The following DUS4L variants were observed in gnomAD, a reference collection of about 807,000 sequenced individuals.
DUS4L encodes tRNA-dihydrouridine(20a/20b) synthase [NAD(P)+]-like.
In DUS4L, 31 loss-of-function variants were observed where a neutral mutation model predicts 33.8. The observed-to-expected ratio is 0.92, with a 90% confidence interval of 0.69 to 1.24. The LOEUF is 1.24. DUS4L is among the 50% of genes most tolerant of loss of function. DUS4L has a pLI of 0.00. For synonymous variants in DUS4L, 103 were observed against 120.3 expected, an observed-to-expected ratio of 0.86 and a Z score of 0.94; for missense variants, 368 against 388.6, an observed-to-expected ratio of 0.95 and a Z score of 0.45.
At chr7:107,569,890 TTTTG>T (rs1276803291) in intron 3 of DUS4L, among the ~76,000 whole-genome samples, 2 of 152,192 alleles carry the variant, frequency 1.3e-5, no homozygotes, top group Non-Finnish European at 2.9e-5. Context: ...ATCATATGCC[TTTTG>T]TTTCTTTATC....
rs1373606089 is a variant in DUS4L, at chr7:107,571,270, T to C, written c.238+4T>C. 1.9e-6 allele frequency: 3 copies of C among 1,606,992 alleles called. No individual in the cohort carries two copies. Among genetic ancestry groups the C allele is most frequent in the South Asian group, 2.2e-5 (2 of 89,238 alleles). On this transcript the variant is annotated splice_donor_region_variant and intron_variant, in intron 4 of 7. Coordinates refer to ENST00000265720, the MANE Select transcript of DUS4L (RefSeq NM_181581.3). ...AGCGAATTTACCACAAATCAAGGTA[T>C]GTGAAACCGAGTGTACTGACTTTGT...
intron 7 of DUS4L, 194 bp downstream of exon 7, chr7:107,576,786 A>G (rs1805796515): frequency 1.9e-6 from 1 of 532,800 alleles, no homozygotes; most frequent in Non-Finnish European, 3.1e-6. Flanking sequence ...CTTAACTGGG[A>G]TAAATTAATT....
At chr7:107,570,702 CAGTA>C (rs1170671750) in intron 3 of DUS4L, 1 of 160,680 alleles carries the variant, frequency 6.2e-6, no homozygotes, top group Non-Finnish European at 1.4e-5. Context: ...GCTTTTTCTA[CAGTA>C]TTTGGCTGGA....
intron 6 of DUS4L, among the ~76,000 whole-genome samples, chr7:107,576,054 C>G (rs894522629): frequency 6.6e-6 from 1 of 152,150 alleles, no homozygotes; most frequent in African/African-American, 2.4e-5. Context: ...GCATGCACAG[C>G]AAATATTAAG....
Position 107,578,196 on chromosome 7 carries a change from T to C in DUS4L, c.*636T>C, listed in dbSNP as rs1805940834. 6.6e-6 allele frequency: 1 copy of C among 152,240 alleles called. No homozygotes were observed. The highest frequency in any genetic ancestry group is 2.4e-5 in the African/African-American group (1 of 41,474). 9.4% of individuals were successfully genotyped at this position (152,240 alleles called of 1,614,324 possible). A position where few individuals can be genotyped will look rare whatever the true frequency, so the allele number is the denominator to read the frequency against. ...TACCATATCTTAAGTATAGGAAATT[T>C]GGTGTCCAACCTGGAGATGATTATA... On this transcript the variant is annotated 3_prime_UTR_variant, in exon 8 of 8. Coordinates refer to ENST00000265720, the MANE Select transcript of DUS4L (RefSeq NM_181581.3).
intron 2 of DUS4L, among the ~76,000 whole-genome samples, chr7:107,565,943 C>T (rs1429769044): frequency 6.6e-6 from 1 of 152,078 alleles, no homozygotes; most frequent in Non-Finnish European, 1.5e-5. Context: ...GACCTTGTTG[C>T]CATTGCGCTT....
rs1260623668 is a variant in DUS4L, at chr7:107,577,548, T to C, written c.942T>C (p.His314=). ...CAATCATAGATTACCTTACAGACCA[T>C]TATGGCATTTGACTAGACTTCCCAA... ...TSAIIDYLTD[H]YGI The change falls in exon 8 of 8, where the codon CAT becomes CAC. Residue 314 remains histidine, a synonymous_variant. Coordinates refer to ENST00000265720, the MANE Select transcript of DUS4L (RefSeq NM_181581.3). The C allele has an allele frequency of 1.9e-6, 3 of 1,612,886 alleles. No individual in the cohort carries two copies. The highest frequency in any genetic ancestry group is 1.7e-6 in the Non-Finnish European group (2 of 1,179,472).
At chr7:107,567,336 C>T in intron 3 of DUS4L, 150 bp downstream of exon 3, 1 of 646,864 alleles carries the variant, frequency 1.5e-6, no homozygotes, top group Non-Finnish European at 2.7e-6. Context: ...GATGCTACTA[C>T]TTGCCTAGTA....
rs918559827 is a variant in DUS4L, at chr7:107,567,202, T to G, written c.116+16T>G. On this transcript the variant is annotated intron_variant, in intron 3 of 7. Coordinates refer to ENST00000265720, the MANE Select transcript of DUS4L (RefSeq NM_181581.3). ...GATATTCAAAGTAAGTGTTGCAAAATGATTAATGAACTAAGATGAAATTTC... is the reference window on the plus strand; with the variant it reads ...GATATTCAAAGTAAGTGTTGCAAAAGGATTAATGAACTAAGATGAAATTTC... 38 of 1,604,306 alleles carry G rather than the reference T, an allele frequency of 2.4e-5. No individual in the cohort carries two copies. The highest frequency in any genetic ancestry group is 3.2e-5 in the Non-Finnish European group (37 of 1,172,826).
Position 107,567,063 on chromosome 7 carries a change from C to G in DUS4L, c.-8C>G, listed in dbSNP as rs1804777358. 2 of 1,602,168 alleles carry G rather than the reference C, an allele frequency of 1.2e-6. No homozygotes were observed. The highest frequency in any genetic ancestry group is 1.7e-6 in the Non-Finnish European group (2 of 1,171,906). The stretch of plus-strand genomic sequence containing the variant: ...TGTCTTTTTCAGATTTGAAACATAT[C>G]TGTATTAATGAAGAGTGACTGCATG... On this transcript the variant is annotated 5_prime_UTR_variant, in exon 3 of 8. It adds an upstream start codon to the 5' untranslated region. Transcript: ENST00000265720.
rs550161313 is a variant in DUS4L, at chr7:107,577,881, A to G, written c.*321A>G. ...ATGGGTAGAGTGGGAATTTTTTCCTAATCATGTTTTTAACATTTTAAAATA... is the reference window on the plus strand; with the variant it reads ...ATGGGTAGAGTGGGAATTTTTTCCTGATCATGTTTTTAACATTTTAAAATA... On this transcript the variant is annotated 3_prime_UTR_variant, in exon 8 of 8. Coordinates refer to ENST00000265720, the MANE Select transcript of DUS4L (RefSeq NM_181581.3). 1.9e-4 allele frequency: 34 copies of G among 177,500 alleles called. No homozygotes were observed. The highest frequency in any genetic ancestry group is 3.7e-4 in the Non-Finnish European group (31 of 84,266). 11.0% of individuals were successfully genotyped at this position (177,500 alleles called of 1,614,324 possible).
rs112962480 is a variant in DUS4L, at chr7:107,564,039, G to A, written c.-281G>A. ...GACTCTCAGCCCGCGCCTGGGCTAAGCCTGGCTAGGAGCCGCGCAGGTACT... is the reference window on the plus strand; with the variant it reads ...GACTCTCAGCCCGCGCCTGGGCTAAACCTGGCTAGGAGCCGCGCAGGTACT... On this transcript the variant is annotated 5_prime_UTR_variant, in exon 1 of 8. Transcript: ENST00000265720. 6 of 1,497,816 alleles carry A rather than the reference G, an allele frequency of 4.0e-6. No individual in the cohort carries two copies. The highest frequency in any genetic ancestry group is 1.4e-5 in the African/African-American group (1 of 71,194). 92.8% of individuals were successfully genotyped at this position (1,497,816 alleles called of 1,614,324 possible).
chr7:107,563,971 G>GGGCCCCCCCCCC lies in DUS4L; in HGVS notation c.-349_-348insGGCCCCCCCCCC. 1 of 1,557,782 alleles carries GGGCCCCCCCCCC rather than the reference G, an allele frequency of 6.4e-7. No homozygotes were observed. The highest frequency in any genetic ancestry group is 8.7e-7 in the Non-Finnish European group (1 of 1,144,926). On this transcript the variant is annotated 5_prime_UTR_variant, in exon 1 of 8. Coordinates refer to ENST00000265720, the MANE Select transcript of DUS4L (RefSeq NM_181581.3). ...GGTGGTGACGCAGAATCCCGGCGCC[G>GGGCCCCCCCCCC]CCCGCCCACCCAGCCCATGGCTCCA...
chr7:107,567,461 T>C (rs1297098764), intron 3 of DUS4L, among the ~76,000 whole-genome samples: 3 of 152,160 alleles, frequency 2.0e-5, no homozygotes, highest in Non-Finnish European at 2.9e-5. Context: ...TAAATAGATA[T>C]AAGTATTGAT....
chr7:107,568,265 C>T (rs1275379606), intron 3 of DUS4L, among the ~76,000 whole-genome samples: 1 of 152,202 alleles, frequency 6.6e-6, no homozygotes, highest in Admixed American at 6.5e-5. Context: ...TACTGTACTG[C>T]TTTCCATAGC....
rs377014452 is a variant in DUS4L, at chr7:107,578,482, A to C, written c.*922A>C. On this transcript the variant is annotated 3_prime_UTR_variant, in exon 8 of 8. Coordinates refer to ENST00000265720, the MANE Select transcript of DUS4L (RefSeq NM_181581.3). ...AGGAAACAATTATGTAAAACTGTTT[A>C]ATTCACGTTTGGGAATATTGAATGA... is the stretch of plus-strand genomic sequence containing the variant. The C allele has an allele frequency of 4.5e-4, 69 of 152,350 alleles. No homozygotes were observed. Among genetic ancestry groups the C allele is most frequent in the African/African-American group, 1.6e-3 (66 of 41,568 alleles). 9.4% of individuals were successfully genotyped at this position (152,350 alleles called of 1,614,324 possible). A position where few individuals can be genotyped will look rare whatever the true frequency, so the allele number is the denominator to read the frequency against.
chr7:107,567,879 G>C (rs1804861231), intron 3 of DUS4L: 2 of 310,050 alleles, frequency 6.5e-6, no homozygotes, highest in Middle Eastern at 3.9e-4. Context: ...CCTCATATAA[G>C]TCTTATACGT....
chr7:107,567,307 T>G, intron 3 of DUS4L, 121 bp downstream of exon 3: 2 of 757,448 alleles, frequency 2.6e-6, no homozygotes, highest in Non-Finnish European at 4.3e-6. Flanking sequence ...TTTGGAATCA[T>G]GACTTAGAAT....
At chr7:107,564,314 G>T in intron 1 of DUS4L, 105 bp downstream of exon 1, 1 of 415,040 alleles carries the variant, frequency 2.4e-6, no homozygotes, top group Non-Finnish European at 4.4e-6. Context: ...GAGGTTTCAG[G>T]GAGCTTCGTT....
Sources: allele counts gnomAD v4.1 joint callset (sites outside exome capture counted in the v4.1 genomes callset), GRCh38; gene constraint gnomAD v4.1.1; transcripts MANE v1.5; gene names NCBI Gene and HGNC (gene_info 2026-07-23, HGNC 2026-07-21).